CBLN2: variants seen among roughly 807,000 people sequenced by gnomAD.
CBLN2 encodes cerebellin 2 precursor, also known as cerebellin-2.
CBLN2 carries 7 observed loss-of-function variants against 15.0 expected under a neutral mutation model. The ratio of observed to expected loss-of-function variants is 0.47; its 90% confidence interval spans 0.27 to 0.88. The LOEUF is 0.88. CBLN2 is among the 40% of genes least tolerant of loss of function. CBLN2 has a pLI of 0.14. For missense variants in CBLN2, 242 were observed against 304.5 expected (o/e 0.79, Z 1.53); for synonymous variants, 149 against 135.2 (o/e 1.10, Z -0.71).
At chr18:72,545,849 T>G (rs547479375), upstream of CBLN2, among the ~76,000 whole-genome samples, 5 of 152,190 alleles carry the variant, frequency 3.3e-5, no homozygotes, top group Non-Finnish European at 5.9e-5. Flanking sequence ...AGCATTCCTT[T>G]TGACTAATAT....
At position 72,613,199 on chromosome 18, in the gene CBLN2, C is replaced by T. The variant is rs374328306; in HGVS notation, c.15+25126G>A. On this transcript the variant is annotated intron_variant, in intron 1 of 2. Transcript: ENST00000581073. ...ACATGTAAAACAATCTATTTCCATA[C>T]GTGATCACATTGATGTGGTAGAGGA... 8.5e-5 allele frequency among the ~76,000 whole-genome samples: 13 copies of T among 152,302 alleles called. No homozygotes were observed. In the South Asian group the frequency reaches 1.9e-3, roughly 22 times the overall value.
chr18:72,597,152 T>C (rs752164186), intron 1 of CBLN2, among the ~76,000 whole-genome samples: 12 of 152,236 alleles, frequency 7.9e-5, no homozygotes, highest in Non-Finnish European at 1.6e-4. Context: ...AACCTGGGCT[T>C]GTCGGCACCC....
chr18:72,630,481 A>T (rs2069767552), intron 1 of CBLN2, among the ~76,000 whole-genome samples: 1 of 133,714 alleles, frequency 7.5e-6, no homozygotes, highest in Non-Finnish European at 1.6e-5. Context: ...TACATTGGTG[A>T]TATCTACTGC....
chr18:72,559,213 GT>G (rs1233221409), intron 1 of CBLN2, among the ~76,000 whole-genome samples: 3 of 152,232 alleles, frequency 2.0e-5, no homozygotes, highest in African/African-American at 7.2e-5. Flanking sequence ...TGCACTTGAT[GT>G]TTTGTGACCT....
intron 1 of CBLN2, chr18:72,618,604 G>A: frequency 1.0e-6 from 1 of 958,816 alleles, no homozygotes; most frequent in South Asian, 1.3e-5. Flanking sequence ...TGGCATTAAA[G>A]AAGACACTGA....
chr18:72,630,495 AACAC>A (rs3030024), intron 1 of CBLN2, among the ~76,000 whole-genome samples: 12 of 140,484 alleles, frequency 8.5e-5, no homozygotes, highest in Middle Eastern at 3.6e-3. Context: ...CTACTGCTCC[AACAC>A]ACACACACAC....
intron 1 of CBLN2, among the ~76,000 whole-genome samples, chr18:72,634,551 G>A (rs965484966): frequency 1.3e-5 from 2 of 152,078 alleles, no homozygotes; most frequent in African/African-American, 4.8e-5. Context: ...ACAATACAAA[G>A]GATGTGATGG....
rs190784094 is a variant in CBLN2 at position 72,611,878 on chromosome 18, A to T, written c.15+26447T>A. Among the ~76,000 whole-genome samples, 146 of 152,300 alleles carry T rather than the reference A, an allele frequency of 9.6e-4. 1 individual carries two copies. The highest frequency in any genetic ancestry group is 1.5e-3 in the Non-Finnish European group (99 of 68,024). On this transcript the variant is annotated intron_variant, in intron 1 of 2. Coordinates refer to the CBLN2 transcript ENST00000581073. Reference sequence around the variant, plus strand: ...TAGAATTCTTATAATTTGAGGTCTCACATTTAAGTCTCTAATCCACCTTGA... The same window carrying T: ...TAGAATTCTTATAATTTGAGGTCTCTCATTTAAGTCTCTAATCCACCTTGA...
At chr18:72,621,766 C>G (rs1365107672) in intron 1 of CBLN2, among the ~76,000 whole-genome samples, 1 of 152,132 alleles carries the variant, frequency 6.6e-6, no homozygotes, top group African/African-American at 2.4e-5. Context: ...CAGAGCCCTG[C>G]AAAATAGGAC....
intron 1 of CBLN2, among the ~76,000 whole-genome samples, chr18:72,574,330 T>G (rs1450635924): frequency 3.3e-5 from 5 of 152,192 alleles, no homozygotes; most frequent in African/African-American, 1.2e-4. Context: ...TCTAAAGAAA[T>G]CATCGCCACT....
At chr18:72,573,732 T>C (rs545769342) in intron 1 of CBLN2, among the ~76,000 whole-genome samples, 5 of 152,348 alleles carry the variant, frequency 3.3e-5, no homozygotes, top group Admixed American at 3.3e-4. Context: ...TTGGAAATTA[T>C]GGATAAAGCT....
chr18:72,550,488 A>T (rs559865033), intron 1 of CBLN2, among the ~76,000 whole-genome samples: 6 of 152,312 alleles, frequency 3.9e-5, no homozygotes, highest in African/African-American at 1.4e-4. Context: ...AAGGGCTGGT[A>T]CTATTGTACA....
At chr18:72,617,477 T>A (rs1407735957) in intron 1 of CBLN2, among the ~76,000 whole-genome samples, 1 of 152,188 alleles carries the variant, frequency 6.6e-6, no homozygotes, top group Non-Finnish European at 1.5e-5. Context: ...TCTAAAGCCT[T>A]GGAATGATAC....
At position 72,631,209 on chromosome 18, in the gene CBLN2, T is replaced by C. The variant is rs1293268738; in HGVS notation, c.15+7116A>G. 4.6e-5 allele frequency: 7 copies of C among 152,326 alleles called. 1 individual carries two copies. The East Asian group carries it at 1.4e-3, about 29-fold the overall frequency. The allele number at this position is 152,326 out of a possible 1,614,324, so 9.4% of individuals were successfully genotyped here. On this transcript the variant is annotated intron_variant, in intron 1 of 2. Coordinates refer to the CBLN2 transcript ENST00000581073. Reference sequence around the variant, plus strand: ...GCAACGGGAACGTTCTAAAGCAATCTATACTGGCCTTCTTATGGGAATATA... The same window carrying C: ...GCAACGGGAACGTTCTAAAGCAATCCATACTGGCCTTCTTATGGGAATATA...
intron 1 of CBLN2, chr18:72,618,703 C>T (rs150998531): frequency 2.4e-4 from 176 of 725,782 alleles, no homozygotes; most frequent in East Asian, 1.0e-3. Flanking sequence ...CAAGAAAAGG[C>T]GCTTTGCCTT....
At chr18:72,595,832 T>C (rs1428648104) in intron 1 of CBLN2, among the ~76,000 whole-genome samples, 2 of 152,150 alleles carry the variant, frequency 1.3e-5, no homozygotes, top group African/African-American at 4.8e-5. Flanking sequence ...CTGATATAAG[T>C]ATGGTTACTT....
At chr18:72,637,577 C>T (rs2069822193) in intron 1 of CBLN2, among the ~76,000 whole-genome samples, 1 of 152,196 alleles carries the variant, frequency 6.6e-6, no homozygotes, top group Non-Finnish European at 1.5e-5. Flanking sequence ...CTTGTCAACA[C>T]AATCACTGTG....
Position 72,543,501 on chromosome 18 carries a change from T to C in CBLN2, c.-182A>G, listed in dbSNP as rs985562310. The C allele has an allele frequency of 2.0e-5, 8 of 398,612 alleles. No homozygotes were observed. The highest frequency in any genetic ancestry group is 8.8e-6 in the Non-Finnish European group (2 of 226,234). 24.7% of individuals were successfully genotyped at this position (398,612 alleles called of 1,614,324 possible). A position where few individuals can be genotyped will look rare whatever the true frequency, so the allele number is the denominator to read the frequency against. On this transcript the variant is annotated 5_prime_UTR_variant, in exon 2 of 5. Transcript: ENST00000269503. This position sits in a 1 kb window ranked among gnomAD's most constrained non-coding sequence, Gnocchi z 6.8. ...GGGTGGTTACCTGGAACATCCATGC[T>C]GGGCGAGCTCCGCTGTCCGCGAAGT...
intron 1 of CBLN2, among the ~76,000 whole-genome samples, chr18:72,606,145 G>T (rs766639204): frequency 6.6e-6 from 1 of 152,184 alleles, no homozygotes; most frequent in Non-Finnish European, 1.5e-5. Flanking sequence ...CCTTCAGAGA[G>T]AATAGATATG....
Sources: gnomAD v4.1 joint callset for allele counts (sites outside exome capture counted in the v4.1 genomes callset) on GRCh38, gnomAD v4.1.1 for gene constraint, Gnocchi (gnomAD v3.1) non-coding constraint, MANE v1.5 for transcripts, NCBI Gene and HGNC (gene_info 2026-07-23, HGNC 2026-07-21) for gene names.